Variants in MARCHF1 observed in about 807,000 individuals in gnomAD.
MARCHF1 encodes E3 ubiquitin-protein ligase MARCHF1.
MARCHF1 carries 40 observed loss-of-function variants against 54.2 expected under a neutral mutation model. That is an observed-to-expected ratio of 0.74 (90% CI 0.57 to 0.96). MARCHF1 has a LOEUF of 0.96. Ranked by LOEUF, MARCHF1 falls within the 40% of genes least tolerant of loss-of-function variation. The pLI is 0.00. For synonymous variants in MARCHF1, 236 were observed against 236.3 expected, an observed-to-expected ratio of 1.00 and a Z score of 0.01; for missense variants, 586 against 656.5, an observed-to-expected ratio of 0.89 and a Z score of 1.17.
At chr4:163,644,952 G>A (rs902581428) in intron 5 of MARCHF1, among the ~76,000 whole-genome samples, 1 of 152,246 alleles carries the variant, frequency 6.6e-6, no homozygotes, top group East Asian at 1.9e-4. Context: ...TAGGCTGAAT[G>A]ACTTTGGTCT....
chr4:163,679,508 A>G (rs1452064501), intron 5 of MARCHF1, among the ~76,000 whole-genome samples: 2 of 152,212 alleles, frequency 1.3e-5, no homozygotes, highest in Middle Eastern at 3.4e-3. Flanking sequence ...AACTCCTTAC[A>G]TAAGTGACCT....
chr4:163,890,207 T>A (rs12641445), intron 3 of MARCHF1, among the ~76,000 whole-genome samples: 2,426 of 152,156 alleles, frequency 0.016, 197 homozygotes, highest in Admixed American at 0.14. Flanking sequence ...GTGCTGGGAT[T>A]ACAGGCGTGA....
At chr4:163,644,241 C>T (rs1742668340) in intron 5 of MARCHF1, among the ~76,000 whole-genome samples, 2 of 152,082 alleles carry the variant, frequency 1.3e-5, no homozygotes, top group Non-Finnish European at 2.9e-5. Context: ...AATAATTTCC[C>T]AGCCATCCAT....
chr4:163,758,998 C>T (rs966976821), intron 4 of MARCHF1, among the ~76,000 whole-genome samples: 5 of 151,992 alleles, frequency 3.3e-5, no homozygotes, highest in Non-Finnish European at 5.9e-5. Flanking sequence ...TACTAGAGTT[C>T]CCGTTATATC....
Position 164,176,978 on chromosome 4 carries a change from CTCTATATATATA to C in MARCHF1, c.-322-65328_-322-65317del, listed in dbSNP as rs1217789862. 2.6e-3 allele frequency among the ~76,000 whole-genome samples: 101 copies of C among 38,870 alleles called. 2 individuals are homozygous for C. The highest frequency in any genetic ancestry group is 2.8e-3 in the Non-Finnish European group (58 of 20,758). 25.5% of individuals were successfully genotyped at this position (38,870 alleles called of 152,430 possible). ...TCTCTCTCTCTCTCTCTCTCTCTCT[CTCTATATATATA>C]TATATATATATATATATATACAAAT... On this transcript the variant is annotated intron_variant, in intron 1 of 9. Coordinates refer to ENST00000514618, the MANE Select transcript of MARCHF1 (RefSeq NM_001394959.1).
chr4:164,297,456 A>C (rs1189958305), intron 1 of MARCHF1, among the ~76,000 whole-genome samples: 6 of 152,188 alleles, frequency 3.9e-5, no homozygotes, highest in African/African-American at 1.4e-4. Context: ...CATGAGGAAA[A>C]CATCAGGCAA....
intron 1 of MARCHF1, among the ~76,000 whole-genome samples, chr4:164,354,662 G>C (rs1463730932): frequency 6.7e-6 from 1 of 148,892 alleles, no homozygotes; most frequent in Non-Finnish European, 1.5e-5. Flanking sequence ...ATATCATACT[G>C]AATGGGCAAA....
At chr4:164,235,810 G>C (rs143913835) in intron 1 of MARCHF1, among the ~76,000 whole-genome samples, 2 of 152,156 alleles carry the variant, frequency 1.3e-5, no homozygotes, top group African/African-American at 4.8e-5. Context: ...CTCGGGTGAT[G>C]GGTGTACTAC....
intron 2 of MARCHF1, among the ~76,000 whole-genome samples, chr4:164,047,405 C>T (rs949349763): frequency 5.3e-5 from 8 of 152,158 alleles, no homozygotes; most frequent in Non-Finnish European, 1.2e-4. Context: ...TCTCAGGAAA[C>T]TTAGGAGCAG....
chr4:164,342,828 G>A (rs1729968911), intron 1 of MARCHF1, among the ~76,000 whole-genome samples: 1 of 152,040 alleles, frequency 6.6e-6, no homozygotes, highest in South Asian at 2.1e-4. Flanking sequence ...AGGAAATGTT[G>A]CAATGTGTGA....
chr4:163,624,893 G>A (rs1014783941), intron 5 of MARCHF1, among the ~76,000 whole-genome samples: 1 of 152,144 alleles, frequency 6.6e-6, no homozygotes, highest in African/African-American at 2.4e-5. Flanking sequence ...CTGTACTCAA[G>A]ATCTCAGAGC....
intron 1 of MARCHF1, among the ~76,000 whole-genome samples, chr4:164,143,631 C>T (rs374825976): frequency 1.7e-3 from 255 of 152,152 alleles, no homozygotes; most frequent in Non-Finnish European, 2.3e-3. Flanking sequence ...CTGAGAGATT[C>T]TGTCACCACC....
At chr4:163,743,227 CA>C (rs888828526) in intron 4 of MARCHF1, among the ~76,000 whole-genome samples, 1 of 151,622 alleles carries the variant, frequency 6.6e-6, no homozygotes, top group East Asian at 1.9e-4. Context: ...ACTAGAGGGT[CA>C]AAAAAAAGAT....
intron 3 of MARCHF1, among the ~76,000 whole-genome samples, chr4:163,895,101 A>G (rs1394863543): frequency 6.6e-6 from 1 of 152,160 alleles, no homozygotes; most frequent in Non-Finnish European, 1.5e-5. Context: ...CATGTGATGC[A>G]TATATATACG....
rs116437955 is a variant in MARCHF1, at chr4:163,829,886, G to A, written c.111+24135C>T. On this transcript the variant is annotated intron_variant, in intron 4 of 9. Transcript: ENST00000514618. ...GCTTCTCACCTTTCCCAGCAGACAGGTTAATAACTTGGCCTTGCCTGGCTT... is the reference window on the plus strand; with the variant it reads ...GCTTCTCACCTTTCCCAGCAGACAGATTAATAACTTGGCCTTGCCTGGCTT... Among the ~76,000 whole-genome samples the A allele has an allele frequency of 3.9e-3, 588 of 152,266 alleles. 3 individuals carry two copies. The highest frequency in any genetic ancestry group is 0.014 in the Middle Eastern group (4 of 294).
At chr4:164,170,042 T>C (rs1730481743) in intron 1 of MARCHF1, among the ~76,000 whole-genome samples, 2 of 152,114 alleles carry the variant, frequency 1.3e-5, no homozygotes, top group African/African-American at 4.8e-5. Flanking sequence ...CAGGTGTATT[T>C]TGAAAGCCAA....
intron 2 of MARCHF1, among the ~76,000 whole-genome samples, chr4:164,060,360 T>G (rs1754588986): frequency 6.6e-6 from 1 of 152,098 alleles, no homozygotes; most frequent in South Asian, 2.1e-4. Flanking sequence ...ATTGTAGAAT[T>G]TAATAGATAT....
At chr4:164,034,624 A>ATG (rs964120445) in intron 2 of MARCHF1, among the ~76,000 whole-genome samples, 11 of 151,874 alleles carry the variant, frequency 7.2e-5, no homozygotes, top group Admixed American at 6.6e-5. Context: ...ATACATACAT[A>ATG]TGTGTGTGTG....
chr4:164,282,123 T>C lies in MARCHF1; in HGVS notation c.-323+101747A>G, dbSNP rs80028055. ...TTATATTAACTGAATCCCATTTACA[T>C]GGAGTTTGTTTCTTCTCCCTCACAT... On this transcript the variant is annotated intron_variant, in intron 1 of 9. Coordinates refer to ENST00000514618, the MANE Select transcript of MARCHF1 (RefSeq NM_001394959.1). Among the ~76,000 whole-genome samples the C allele has an allele frequency of 3.6e-3, 547 of 151,004 alleles. 20 individuals carry two copies. Among genetic ancestry groups the C allele is most frequent in the African/African-American group, 0.012 (502 of 41,204 alleles).
Sources: gnomAD v4.1 joint callset for allele counts (sites outside exome capture counted in the v4.1 genomes callset) on GRCh38, gnomAD v4.1.1 for gene constraint, MANE v1.5 for transcripts, NCBI Gene and HGNC (gene_info 2026-07-23, HGNC 2026-07-21) for gene names.